Variants in GEN1 observed in about 807,000 individuals in gnomAD.
The protein encoded by GEN1 is flap endonuclease GEN homolog 1.
Under a neutral mutation model 67.6 loss-of-function variants are expected in GEN1, and 64 were observed. The observed-to-expected ratio is 0.95, with a 90% CI of 0.77 to 1.17. The LOEUF (loss-of-function observed/expected upper bound fraction) is 1.17, where lower values mean the gene tolerates loss of function less well. Ranked by LOEUF, GEN1 falls within the 50% of genes most tolerant of loss-of-function variation. The pLI, the probability that GEN1 is intolerant of heterozygous loss-of-function variation, is 0.00. For missense variants in GEN1, 1,058 were observed against 1,048.3 expected, an observed-to-expected ratio of 1.01 and a Z score of -0.13; for synonymous variants, 371 against 359.4, an observed-to-expected ratio of 1.03 and a Z score of -0.37.
At position 17,759,990 on chromosome 2, in the gene GEN1, A is replaced by G. The variant is rs1382762700; in HGVS notation, c.47A>G (p.His16Arg). 1 of 1,613,978 alleles carries G rather than the reference A, an allele frequency of 6.2e-7. No individual in the cohort carries two copies. The highest frequency in any genetic ancestry group is 8.5e-7 in the Non-Finnish European group (1 of 1,179,962). ...LWQILEPVKQHIPLRNLGGKT... is the reference protein window; with the variant it reads ...LWQILEPVKQRIPLRNLGGKT... ...CAAATTTTGGAGCCTGTTAAGCAACACATCCCCTTGCGTAATCTTGGTGGG... is the reference window on the plus strand; with the variant it reads ...CAAATTTTGGAGCCTGTTAAGCAACGCATCCCCTTGCGTAATCTTGGTGGG... Residue 16 changes from histidine to arginine, a missense_variant, in exon 2 of 14, where the codon CAC becomes CGC. His to Arg is a conservative substitution (Grantham distance 29). Transcript: ENST00000381254.
Position 17,773,104 on chromosome 2 carries a change from G to A in GEN1, c.962G>A (p.Cys321Tyr). 1 of 1,576,762 alleles carries A rather than the reference G, an allele frequency of 6.3e-7. No homozygotes were observed. The highest frequency in any genetic ancestry group is 2.2e-5 in the East Asian group (1 of 44,536). ...EVENNIKKKA[C>Y]CCEGFPFHEV... ...TATAATTTTTTTTTCAGGAAAGCTT[G>A]CTGTTGTGAGGGATTCCCATTCCAT... Residue 321 changes from cysteine (C) to tyrosine (Y), a missense_variant, in exon 9 of 14, where the codon TGC becomes TAC. Transcript: ENST00000381254.
In GEN1 at chr2:17,778,240, A is replaced by G. The variant is rs1484279559; in HGVS notation, c.1264+177A>G. Among the ~76,000 whole-genome samples, 3 of 137,288 alleles carry G rather than the reference A, an allele frequency of 2.2e-5. 1 individual carries two copies. The highest frequency in any genetic ancestry group is 5.8e-5 in the African/African-American group (2 of 34,778). The allele number at this position is 137,288 out of a possible 152,430, so 90.1% of individuals were successfully genotyped here. The stretch of plus-strand genomic sequence containing the variant: ...TGTATACACACACATATATGTGTGT[A>G]CATATATGTATACACACATATGTGT... On this transcript the variant is annotated intron_variant, in intron 12 of 13. Coordinates refer to ENST00000381254, the MANE Select transcript of GEN1 (RefSeq NM_001130009.3).
chr2:17,760,115 A>C lies in GEN1; in HGVS notation c.161+11A>C. ...GAAGCCCCACCTCAGGTATAGTAAA[A>C]GCTCTTACAGTATAAATGTATGATG... On this transcript the variant is annotated intron_variant, in intron 2 of 13. Transcript: ENST00000381254. 6.2e-7 allele frequency: 1 copy of C among 1,612,214 alleles called. No homozygotes were observed. The highest frequency in any genetic ancestry group is 1.3e-5 in the African/African-American group (1 of 74,906).
At chr2:17,768,845 A>C in intron 6 of GEN1, 34 bp downstream of exon 6, 1 of 1,296,556 alleles carries the variant, frequency 7.7e-7, no homozygotes, top group Non-Finnish European at 1.1e-6. Flanking sequence ...GTGACATTGA[A>C]CCTTTATTCT....
intron 4 of GEN1, among the ~76,000 whole-genome samples, chr2:17,766,267 A>G (rs1300807698): frequency 2.0e-5 from 3 of 152,168 alleles, no homozygotes; most frequent in Admixed American, 6.5e-5. Flanking sequence ...TCCTGGCTTC[A>G]AGTAATTCTT....
intron 6 of GEN1, chr2:17,770,951 A>T (rs1273540392): frequency 2.2e-6 from 1 of 463,058 alleles, no homozygotes; most frequent in East Asian, 4.9e-5. Context: ...AGAGATACCG[A>T]TATATAGATA....
chr2:17,763,390 C>T (rs1357654994), intron 3 of GEN1, among the ~76,000 whole-genome samples: 1 of 152,158 alleles, frequency 6.6e-6, no homozygotes, highest in Non-Finnish European at 1.5e-5. Flanking sequence ...ATGTCCATCT[C>T]TTCTTAAGAA....
rs199545866 is a variant in GEN1 at position 17,764,951 on chromosome 2, G to T, written c.403G>T (p.Ala135Ser). 1.5e-5 allele frequency: 25 copies of T among 1,614,158 alleles called. No homozygotes were observed. In the East Asian group the frequency reaches 5.6e-4, roughly 36 times the overall value. The change falls in exon 4 of 14, where the codon GCT becomes TCT. Residue 135 changes from alanine to serine, a missense_variant. Coordinates refer to ENST00000381254, the MANE Select transcript of GEN1 (RefSeq NM_001130009.3). ...CCCCTGGGTTCAGGCTGCTGGGGAA[G>T]CTGAAGCCATGTGTGCTTATCTCAA... ...GIPWVQAAGE[A>S]EAMCAYLNAG...
intron 12 of GEN1, among the ~76,000 whole-genome samples, 198 bp downstream of exon 12, chr2:17,778,261 TGTGTGTAC>T (rs1429677984): frequency 9.6e-6 from 1 of 104,376 alleles, no homozygotes; most frequent in Non-Finnish European, 1.9e-5. Context: ...TACACACATA[TGTGTGTAC>T]ATATATGTAT....
rs1558409008 is a variant in GEN1, at chr2:17,778,269, CATATATGTAT to C, written c.1264+210_1264+219del. On this transcript the variant is annotated intron_variant, in intron 12 of 13. Coordinates refer to ENST00000381254, the MANE Select transcript of GEN1 (RefSeq NM_001130009.3). Reference sequence around the variant, plus strand: ...ATATGTATACACACATATGTGTGTACATATATGTATATACACACACATGTGTGTGTACATA... The same window carrying C: ...ATATGTATACACACATATGTGTGTACATACACACACATGTGTGTGTACATA... Among the ~76,000 whole-genome samples the C allele has an allele frequency of 6.4e-4, 59 of 91,706 alleles. 20 individuals carry two copies. Among genetic ancestry groups the C allele is most frequent in the Non-Finnish European group, 1.0e-3 (45 of 43,550 alleles). The allele number at this position is 91,706 out of a possible 152,430, so 60.2% of individuals were successfully genotyped here. A position where few individuals can be genotyped will look rare whatever the true frequency, so the allele number is the denominator to read the frequency against.
At chr2:17,777,797 AACTT>A (rs1194730247) in intron 11 of GEN1, among the ~76,000 whole-genome samples, 1 of 152,116 alleles carries the variant, frequency 6.6e-6, no homozygotes, top group East Asian at 1.9e-4. Context: ...GGTAAGAAAC[AACTT>A]ACTTAGAAGA....
In GEN1 at chr2:17,785,911, T is replaced by C. The variant is rs923938296; in HGVS notation, c.*3972T>C. The C allele has an allele frequency of 6.6e-6, 1 of 151,356 alleles. No individual in the cohort carries two copies. Among genetic ancestry groups the C allele is most frequent in the Admixed American group, 6.6e-5 (1 of 15,194 alleles). The allele number at this position is 151,356 out of a possible 1,614,324, so 9.4% of individuals were successfully genotyped here. On this transcript the variant is annotated 3_prime_UTR_variant, in exon 14 of 14. Transcript: ENST00000381254. ...GTCTAAAAAAAATTAAAATTTAAAT[T>C]AAAAAAAAATATACAATCTCCGTCT...
intron 1 of GEN1, 132 bp from the exon 2 acceptor site, chr2:17,759,797 G>A (rs752506359): frequency 3.4e-5 from 23 of 677,338 alleles, no homozygotes; most frequent in Non-Finnish European, 4.8e-5. Context: ...ATTTTGAAAC[G>A]CTGACTGATG....
In GEN1 at chr2:17,788,145, GTA is replaced by G. The variant is rs1286204026; in HGVS notation, c.*6207_*6208del. On this transcript the variant is annotated 3_prime_UTR_variant, in exon 14 of 14. Transcript: ENST00000381254. ...ATCAACTGCTGTTCCTGTTCTGCTG[GTA>G]GCACTTAGGGTAAAACAGCTTAAAT... 2 of 152,202 alleles carry G rather than the reference GTA, an allele frequency of 1.3e-5. No homozygotes were observed. The highest frequency in any genetic ancestry group is 4.8e-5 in the African/African-American group (2 of 41,432). 9.4% of individuals were successfully genotyped at this position (152,202 alleles called of 1,614,324 possible).
chr2:17,755,865 G>T (rs1341825318), intron 1 of GEN1: 1 of 152,130 alleles, frequency 6.6e-6, no homozygotes, highest in African/African-American at 2.4e-5. Flanking sequence ...ACCAATAAAA[G>T]CTTATTAGCT....
intron 11 of GEN1, among the ~76,000 whole-genome samples, chr2:17,776,736 A>G (rs1672451884): frequency 6.6e-6 from 1 of 152,244 alleles, no homozygotes; most frequent in Non-Finnish European, 1.5e-5. Context: ...GAGTAAAAAT[A>G]ATTTACAACC....
intron 1 of GEN1, chr2:17,755,325 C>T (rs1671369071): frequency 6.6e-6 from 1 of 152,116 alleles, no homozygotes; most frequent in Non-Finnish European, 1.5e-5. Context: ...TGCTTTCTTA[C>T]CTCTTAAGCC....
In GEN1 at chr2:17,778,358, ATATATGTATATACACACACATATATG is replaced by A. The variant is rs1370867387; in HGVS notation, c.1264+297_1264+322del. On this transcript the variant is annotated intron_variant, in intron 12 of 13. Coordinates refer to ENST00000381254, the MANE Select transcript of GEN1 (RefSeq NM_001130009.3). ...TATGTATACACACACATGTGTGTAC[ATATATGTATATACACACACATATATG>A]TGTGTACATATATGTATATACACAC... Among the ~76,000 whole-genome samples the A allele has an allele frequency of 9.3e-4, 43 of 46,144 alleles. 1 individual carries two copies. Among genetic ancestry groups the A allele is most frequent in the African/African-American group, 3.3e-3 (42 of 12,554 alleles). 30.3% of individuals were successfully genotyped at this position (46,144 alleles called of 152,430 possible). A position where few individuals can be genotyped will look rare whatever the true frequency, so the allele number is the denominator to read the frequency against.
At chr2:17,758,884 G>A (rs1202703734) in intron 1 of GEN1, among the ~76,000 whole-genome samples, 1 of 151,560 alleles carries the variant, frequency 6.6e-6, no homozygotes, top group Admixed American at 6.6e-5. Context: ...TAATACTTAT[G>A]GCAGCACTGG....
Sources: gnomAD v4.1 joint callset for allele counts (sites outside exome capture counted in the v4.1 genomes callset) on GRCh38, gnomAD v4.1.1 for gene constraint, MANE v1.5 for transcripts, NCBI Gene and HGNC (gene_info 2026-07-23, HGNC 2026-07-21) for gene names.